Variants in MYO18B observed in about 807,000 individuals in gnomAD.
The protein encoded by MYO18B is unconventional myosin-XVIIIb.
MYO18B carries 204 observed loss-of-function variants against 273.0 expected under a neutral mutation model. The observed-to-expected ratio is 0.75, with a 90% CI of 0.67 to 0.84. The LOEUF (loss-of-function observed/expected upper bound fraction) is 0.84. MYO18B is among the 40% of genes least tolerant of loss of function. MYO18B has a pLI of 0.00. For synonymous variants in MYO18B, 1,330 were observed against 1,305.7 expected, an observed-to-expected ratio of 1.02 and a Z score of -0.40; for missense variants, 3,212 against 3,287.6, an observed-to-expected ratio of 0.98 and a Z score of 0.56.
chr22:26,033,818 TTC>T, downstream of MYO18B, among the ~76,000 whole-genome samples: 2 of 109,794 alleles, frequency 1.8e-5, no homozygotes, highest in South Asian at 2.3e-4. Context: ...TCTTTTTCTC[TTC>T]CTCCCTTCCT....
intron 13 of MYO18B, among the ~76,000 whole-genome samples, chr22:25,824,451 GA>G (rs1262005099): frequency 6.6e-6 from 1 of 152,176 alleles, no homozygotes; most frequent in Non-Finnish European, 1.5e-5. Flanking sequence ...TGCCGTGGGG[GA>G]AAAACAGGAG....
intron 25 of MYO18B, among the ~76,000 whole-genome samples, chr22:25,882,057 C>G (rs1200043658): frequency 6.6e-6 from 1 of 152,140 alleles, no homozygotes; most frequent in Non-Finnish European, 1.5e-5. Flanking sequence ...CTCTAAGAAG[C>G]CCTCTTCAAC....
chr22:25,878,066 C>T lies in MYO18B; in HGVS notation c.4314+18C>T. ...AAAGCAAGGTATCCCCATCCCTCCT[C>T]TTGGGTCCTTGTGGGGGGTCTTTAT... On this transcript the variant is annotated intron_variant, in intron 25 of 43. Coordinates refer to ENST00000335473, the MANE Select transcript of MYO18B (RefSeq NM_032608.7). 6.4e-7 allele frequency: 1 copy of T among 1,558,610 alleles called. No individual in the cohort carries two copies. The highest frequency in any genetic ancestry group is 8.7e-7 in the Non-Finnish European group (1 of 1,148,712).
intron 38 of MYO18B, among the ~76,000 whole-genome samples, chr22:25,954,005 G>T (rs2092820614): frequency 6.6e-6 from 1 of 152,162 alleles, no homozygotes; most frequent in African/African-American, 2.4e-5. Context: ...TGTCTGATCT[G>T]CAGGCTGTTA....
chr22:26,025,234 C>G (rs1936149004), intron 42 of MYO18B, among the ~76,000 whole-genome samples: 1 of 152,200 alleles, frequency 6.6e-6, no homozygotes, highest in Non-Finnish European at 1.5e-5. Flanking sequence ...CCATGGCCAT[C>G]ACCTCAAGGG....
chr22:25,910,731 C>T (rs1395266158), intron 32 of MYO18B, among the ~76,000 whole-genome samples: 1 of 152,154 alleles, frequency 6.6e-6, no homozygotes, highest in Non-Finnish European at 1.5e-5. Flanking sequence ...AGGGGTTCCC[C>T]ATCATTGACC....
chr22:26,002,714 A>G (rs1285823273), intron 40 of MYO18B, among the ~76,000 whole-genome samples: 1 of 152,200 alleles, frequency 6.6e-6, no homozygotes, highest in African/African-American at 2.4e-5. Flanking sequence ...CAAGTATGTC[A>G]GGTTCCTAAT....
chr22:25,801,350 T>TTTGAAGGC (rs1411492239), intron 12 of MYO18B, among the ~76,000 whole-genome samples: 1 of 152,208 alleles, frequency 6.6e-6, no homozygotes, highest in African/African-American at 2.4e-5. Flanking sequence ...AAAGCACTTA[T>TTTGAAGGC]ACCTCTATTA....
At chr22:25,902,826 G>A in intron 30 of MYO18B, 90 bp downstream of exon 30, 1 of 1,427,362 alleles carries the variant, frequency 7.0e-7, no homozygotes. Flanking sequence ...TGGTGACAGA[G>A]AGAAAACTTC....
At chr22:25,834,792 TCTC>T (rs1022490313) in intron 16 of MYO18B, among the ~76,000 whole-genome samples, 51 of 152,334 alleles carry the variant, frequency 3.3e-4, no homozygotes, top group African/African-American at 1.2e-3. Context: ...TTCACCTTCT[TCTC>T]TGAAATGTTC....
rs756530051 is a variant in MYO18B, at chr22:25,846,083, T to G, written c.3369-17T>G. 2 of 1,506,716 alleles carry G rather than the reference T, an allele frequency of 1.3e-6. No homozygotes were observed. The highest frequency in any genetic ancestry group is 8.8e-7 in the Non-Finnish European group (1 of 1,132,358). 93.3% of individuals were successfully genotyped at this position (1,506,716 alleles called of 1,614,324 possible). ...AACCTCCTAAAGCTCCTCTCTCTTT[T>G]CCCTCCTCCCCACCAGAGAGGAGCT... On this transcript the variant is annotated splice_polypyrimidine_tract_variant and intron_variant, in intron 18 of 43. Transcript: ENST00000335473.
chr22:25,768,882 G>C lies in MYO18B; in HGVS notation c.966G>C (p.Leu322=). Residue 322 remains leucine (L), a synonymous_variant, in exon 4 of 44, where the codon CTG becomes CTC. Coordinates refer to ENST00000335473, the MANE Select transcript of MYO18B (RefSeq NM_032608.7). Reference sequence around the variant, plus strand: ...CTGGGAGAAAGTGGGGAGGTTTCCTGGGAAGAAGGAGTAAGTGGGACGGTC... The same window carrying C: ...CTGGGAGAAAGTGGGGAGGTTTCCTCGGAAGAAGGAGTAAGTGGGACGGTC... ...QIPGRKWGGF[L]GRRSKWDGPQ... 6.2e-7 allele frequency: 1 copy of C among 1,613,126 alleles called. No individual in the cohort carries two copies. Among genetic ancestry groups the C allele is most frequent in the East Asian group, 2.2e-5 (1 of 44,856 alleles).
At chr22:25,779,427 G>A (rs890460485) in intron 8 of MYO18B, among the ~76,000 whole-genome samples, 2 of 152,114 alleles carry the variant, frequency 1.3e-5, no homozygotes, top group South Asian at 2.1e-4. Flanking sequence ...TTAACTGCTG[G>A]GCTATACTGC....
At chr22:25,843,954 C>A (rs2090160918) in intron 18 of MYO18B, 60 bp downstream of exon 18, 1 of 1,505,798 alleles carries the variant, frequency 6.6e-7, no homozygotes, top group Non-Finnish European at 9.1e-7. Flanking sequence ...GTTTTCCTTC[C>A]CACCTAAACT....
At chr22:25,869,825 C>G (rs140006005) in intron 22 of MYO18B, among the ~76,000 whole-genome samples, 1 of 152,350 alleles carries the variant, frequency 6.6e-6, no homozygotes, top group Non-Finnish European at 1.5e-5. Context: ...CCACTGGCCT[C>G]TTGGTCCTGC....
At chr22:25,755,937 G>T (rs755182746) in intron 1 of MYO18B, among the ~76,000 whole-genome samples, 1 of 150,928 alleles carries the variant, frequency 6.6e-6, no homozygotes, top group Non-Finnish European at 1.5e-5. Context: ...CACCCCCGTT[G>T]CCCAGGCTGG....
intron 34 of MYO18B, among the ~76,000 whole-genome samples, chr22:25,944,418 T>C (rs549479065): frequency 1.3e-5 from 2 of 152,244 alleles, no homozygotes; most frequent in African/African-American, 4.8e-5. Flanking sequence ...ATGTTTACCT[T>C]AGGTGATTTC....
rs1292580782 is a variant in MYO18B at position 25,895,257 on chromosome 22, G to C, written c.4645G>C (p.Ala1549Pro). The C allele has an allele frequency of 6.2e-7, 1 of 1,604,040 alleles. No individual in the cohort carries two copies. The highest frequency in any genetic ancestry group is 2.2e-5 in the East Asian group (1 of 44,500). ...GGAGAGGCTGGACTCGGAGCTGACAGCCAGGAAAGAGCTGGAGCAAAAGGT... is the reference window on the plus strand; with the variant it reads ...GGAGAGGCTGGACTCGGAGCTGACACCCAGGAAAGAGCTGGAGCAAAAGGT... ...CEERLDSELT[A>P]RKELEQKLGE... Residue 1549 changes from alanine (A) to proline (P), a missense_variant, in exon 28 of 44, where the codon GCC becomes CCC. Transcript: ENST00000335473.
chr22:25,851,546 C>A lies in MYO18B; in HGVS notation c.3852C>A (p.Leu1284=). The change falls in exon 21 of 44, where the codon CTC becomes CTA. Residue 1284 remains leucine, a synonymous_variant. Coordinates refer to ENST00000335473, the MANE Select transcript of MYO18B (RefSeq NM_032608.7). ...TGGACGCTCCACTCCTGAAGAAGCT[C>A]ATGTCGACCTCCGAGGGAATAGATG... ...QVLDAPLLKK[L]MSTSEGIDER... 1 of 1,559,932 alleles carries A rather than the reference C, an allele frequency of 6.4e-7. No homozygotes were observed. Among genetic ancestry groups the A allele is most frequent in the East Asian group, 2.4e-5 (1 of 41,678 alleles).
Sources: allele counts gnomAD v4.1 joint callset (sites outside exome capture counted in the v4.1 genomes callset), GRCh38; gene constraint gnomAD v4.1.1; transcripts MANE v1.5; gene names NCBI Gene and HGNC (gene_info 2026-07-23, HGNC 2026-07-21).